The following ARL17A variants were observed in gnomAD, a reference collection of about 807,000 sequenced individuals.
ARL17A encodes ADP-ribosylation factor-like 17-like.
the ARL17A span, among the ~76,000 whole-genome samples, chr17:46,502,896 G>A: frequency 7.3e-5 from 11 of 150,700 alleles, no homozygotes; most frequent in Non-Finnish European, 1.2e-4. Context: ...GCTGGTCTCC[G>A]TGGTAGCACT....
At chr17:46,568,772 G>C (rs1205158799) in intron 3 of ARL17A, among the ~76,000 whole-genome samples, 1 of 89,518 alleles carries the variant, frequency 1.1e-5, no homozygotes, top group Non-Finnish European at 2.1e-5. Flanking sequence ...GCCACTGCAC[G>C]AGACCCTGTC....
intron 3 of ARL17A, among the ~76,000 whole-genome samples, chr17:46,540,649 C>CAAA (rs1382662567): frequency 6.9e-6 from 1 of 145,038 alleles, no homozygotes; most frequent in African/African-American, 2.7e-5. Flanking sequence ...TTTGATGATG[C>CAAA]AAATCAACTT....
chr17:46,501,973 T>G, the ARL17A span, among the ~76,000 whole-genome samples: 1 of 151,352 alleles, frequency 6.6e-6, no homozygotes, highest in Non-Finnish European at 1.5e-5. Flanking sequence ...GAAATATTAT[T>G]TAACTTTTGG....
At chr17:46,532,889 C>T (rs1299854571) in intron 4 of ARL17A, among the ~76,000 whole-genome samples, 1 of 148,316 alleles carries the variant, frequency 6.7e-6, no homozygotes, top group Non-Finnish European at 1.5e-5. Flanking sequence ...TTGCTTGACC[C>T]CAGGAGTTCG....
Position 46,568,515 on chromosome 17 carries a change from G to C in ARL17A, c.259+2244C>G, listed in dbSNP as rs1454330931. On this transcript the variant is annotated intron_variant, in intron 3 of 3. Transcript: ENST00000336125. ...GCAGTTAAAAAAAAAAAAAAAAAGA[G>C]GGGGGGAGGCCAGGCGAGGTGGCTC... is the stretch of plus-strand genomic sequence containing the variant. Among the ~76,000 whole-genome samples, 19 of 108,384 alleles carry C rather than the reference G, an allele frequency of 1.8e-4. 1 individual carries two copies. The highest frequency in any genetic ancestry group is 3.1e-4 in the East Asian group (1 of 3,204). The allele number at this position is 108,384 out of a possible 152,430, so 71.1% of individuals were successfully genotyped here. A position where few individuals can be genotyped will look rare whatever the true frequency, so the allele number is the denominator to read the frequency against.
At position 46,553,139 on chromosome 17, in the gene ARL17A, C is replaced by A. The variant is rs1598559449; in HGVS notation, c.*4217G>T. On this transcript the variant is annotated 3_prime_UTR_variant, in exon 4 of 4. Coordinates refer to ENST00000336125, the MANE Select transcript of ARL17A (RefSeq NM_001113738.2). ...GTGTTGGTTATAAGCAAATATTACACCATTATATGTAAGGGATTGAGCATC... is the reference window on the plus strand; with the variant it reads ...GTGTTGGTTATAAGCAAATATTACAACATTATATGTAAGGGATTGAGCATC... The A allele has an allele frequency of 1.6e-6, 1 of 608,682 alleles. No homozygotes were observed. The highest frequency in any genetic ancestry group is 8.1e-5 in the South Asian group (1 of 12,382). The allele number at this position is 608,682 out of a possible 1,614,324, so 37.7% of individuals were successfully genotyped here. A position where few individuals can be genotyped will look rare whatever the true frequency, so the allele number is the denominator to read the frequency against.
chr17:46,549,318 A>C (rs1301277987), downstream of ARL17A: 3 of 1,607,556 alleles, frequency 1.9e-6, no homozygotes, highest in Admixed American at 5.1e-5. Flanking sequence ...ACACAACTGC[A>C]AGAAATGCCT....
intron 4 of ARL17A, among the ~76,000 whole-genome samples, chr17:46,532,219 C>T (rs1378130207): frequency 2.7e-5 from 4 of 148,484 alleles, no homozygotes; most frequent in Admixed American, 2.0e-4. Context: ...AACTTTTTCA[C>T]TCAAAAAAAC....
At chr17:46,548,758 G>C (rs751355590), downstream of ARL17A, 8 of 1,610,352 alleles carry the variant, frequency 5.0e-6, 2 homozygotes, top group African/African-American at 1.1e-4. Context: ...AAAAAGGCTC[G>C]GGAGTCCAGC....
chr17:46,558,096 G>C (rs2057381082), intron 3 of ARL17A, among the ~76,000 whole-genome samples: 1 of 134,094 alleles, frequency 7.5e-6, no homozygotes, highest in Admixed American at 7.4e-5. Flanking sequence ...TTTTGCTCTT[G>C]TTGCTCAGTC....
At chr17:46,543,280 AATG>A (rs1427617540) in intron 3 of ARL17A, among the ~76,000 whole-genome samples, 2 of 150,468 alleles carry the variant, frequency 1.3e-5, no homozygotes, top group African/African-American at 2.5e-5. Context: ...GCTCATGTGT[AATG>A]ATCTTTCATG....
In ARL17A at chr17:46,543,469, A is replaced by G. The variant is rs558394845; in HGVS notation, c.260-5043T>C. 4.0e-5 allele frequency among the ~76,000 whole-genome samples: 6 copies of G among 151,074 alleles called. No individual in the cohort carries two copies. In the East Asian group the frequency reaches 1.2e-3, roughly 29 times the overall value. On this transcript the variant is annotated intron_variant, in intron 3 of 4. Transcript: ENST00000329240. ...TGTGAATTTTTTAAGCCATGTTATG[A>G]TTGGGACAATTGTGAAAATGTGTAT...
the ARL17A span, among the ~76,000 whole-genome samples, chr17:46,505,973 T>C: frequency 9.2e-6 from 1 of 109,268 alleles, no homozygotes; most frequent in African/African-American, 4.4e-5. Context: ...CTGGCTAATC[T>C]TTGTATTTTT....
At chr17:46,526,383 AAAAC>A (rs1416000189), downstream of ARL17A, among the ~76,000 whole-genome samples, 20 of 100,568 alleles carry the variant, frequency 2.0e-4, no homozygotes, top group Non-Finnish European at 3.4e-4. Flanking sequence ...AAGTTTATAA[AAAAC>A]AAACAAAAAA....
At chr17:46,543,915 G>A (rs543862475) in intron 3 of ARL17A, among the ~76,000 whole-genome samples, 5 of 147,498 alleles carry the variant, frequency 3.4e-5, no homozygotes, top group African/African-American at 8.0e-5. Flanking sequence ...CCAGGAGTTC[G>A]AGACCAGCCT....
At chr17:46,521,492 G>T (rs1443126423) in intron 3 of ARL17A, among the ~76,000 whole-genome samples, 1 of 57,082 alleles carries the variant, frequency 1.8e-5, no homozygotes, top group African/African-American at 6.0e-5. Flanking sequence ...TAAACATGGT[G>T]GGCAATGCAG....
At chr17:46,525,860 G>A (rs1257782690), downstream of ARL17A, among the ~76,000 whole-genome samples, 17 of 89,914 alleles carry the variant, frequency 1.9e-4, no homozygotes, top group African/African-American at 7.1e-4. Context: ...AGGAGGAAGC[G>A]GATGCTGATG....
intron 3 of ARL17A, among the ~76,000 whole-genome samples, chr17:46,541,952 G>A (rs1394706827): frequency 7.2e-6 from 1 of 139,484 alleles, no homozygotes; most frequent in Non-Finnish European, 1.5e-5. Context: ...GTGTGGAAAT[G>A]CCATCTCTAC....
chr17:46,534,132 G>A (rs1378735963), intron 4 of ARL17A, among the ~76,000 whole-genome samples: 1 of 146,078 alleles, frequency 6.8e-6, no homozygotes, highest in Admixed American at 6.7e-5. Flanking sequence ...TGTCACCTCA[G>A]CCTCCTGGGT....
Sources: gnomAD v4.1 joint callset for allele counts (sites outside exome capture counted in the v4.1 genomes callset) on GRCh38, gnomAD v4.1.1 for gene constraint, MANE v1.5 for transcripts, NCBI Gene and HGNC (gene_info 2026-07-23, HGNC 2026-07-21) for gene names.